GNB2: variants seen among roughly 807,000 people sequenced by gnomAD.
GNB2 encodes guanine nucleotide-binding protein G(I)/G(S)/G(T) subunit beta-2.
A neutral mutation model predicts 40.7 loss-of-function variants in GNB2; 7 were observed. That is an observed-to-expected ratio of 0.17 (90% CI 0.10 to 0.32). GNB2 has a LOEUF of 0.32. Ranked by LOEUF, GNB2 falls within the 10% of genes least tolerant of loss-of-function variation. The probability of loss-of-function intolerance (pLI) is 1.00; values close to 1 mark genes in which losing one functional copy is unlikely to be tolerated. For missense variants in GNB2, 286 were observed against 473.0 expected (o/e 0.60, Z 3.67); for synonymous variants, 254 against 191.2 (o/e 1.33, Z -2.71).
In GNB2 at chr7:100,678,601, G is replaced by A. The variant is rs1804416733; in HGVS notation, c.903G>A (p.Lys301=). The change falls in exon 9 of 10, where the codon AAG becomes AAA. Residue 301 remains lysine (K), a synonymous_variant. Coordinates refer to ENST00000303210, the MANE Select transcript of GNB2 (RefSeq NM_005273.4). Reference sequence around the variant, plus strand: ...ACTGCAACATCTGGGATGCCATGAAGGGCGACCGTGCAGGTGACAGCTGGG... The same window carrying A: ...ACTGCAACATCTGGGATGCCATGAAAGGCGACCGTGCAGGTGACAGCTGGG... ...DFNCNIWDAM[K]GDRAGVLAGH... 6.2e-7 allele frequency: 1 copy of A among 1,613,528 alleles called. No homozygotes were observed. Among genetic ancestry groups the A allele is most frequent in the African/African-American group, 1.3e-5 (1 of 74,946 alleles).
intron 1 of GNB2, among the ~76,000 whole-genome samples, chr7:100,674,424 T>C (rs1285056282): frequency 6.6e-6 from 1 of 152,078 alleles, no homozygotes; most frequent in Non-Finnish European, 1.5e-5. Context: ...CTGCCCGTGG[T>C]TTCTGGCCCC....
At chr7:100,676,507 G>A (rs748952602) in intron 2 of GNB2, 28 bp from the exon 3 acceptor site, 9 of 1,593,924 alleles carry the variant, frequency 5.6e-6, no homozygotes, top group African/African-American at 2.7e-5. Flanking sequence ...CTTCTCTCGC[G>A]TCTCTCTGGC....
chr7:100,675,127 AGCCAGCCGGGCCCCTG>A (rs1056127238), intron 1 of GNB2, among the ~76,000 whole-genome samples: 2 of 150,716 alleles, frequency 1.3e-5, no homozygotes, highest in African/African-American at 4.9e-5. Flanking sequence ...CCCGGAGCGG[AGCCAGCCGGGCCCCTG>A]GGGCCCGGGC....
Position 100,678,387 on chromosome 7 carries a change from G to A in GNB2, c.700-11G>A, listed in dbSNP as rs774398152. On this transcript the variant is annotated splice_polypyrimidine_tract_variant and intron_variant, in intron 8 of 9. Coordinates refer to ENST00000303210, the MANE Select transcript of GNB2 (RefSeq NM_005273.4). ...CTCACCCTCACCCCATCTGGGTCCC[G>A]TGTCCTGCAGTTCTTCCCCAACGGC... is the stretch of plus-strand genomic sequence containing the variant. The A allele has an allele frequency of 9.9e-6, 16 of 1,610,630 alleles. No individual in the cohort carries two copies. The highest frequency in any genetic ancestry group is 1.3e-5 in the African/African-American group (1 of 74,874).
chr7:100,678,101 C>T lies in GNB2; in HGVS notation c.501C>T (p.Ala167=), dbSNP rs1016962982. The T allele has an allele frequency of 2.5e-6, 4 of 1,610,630 alleles. No homozygotes were observed. Among genetic ancestry groups the T allele is most frequent in the African/African-American group, 1.3e-5 (1 of 74,970 alleles). The change falls in exon 8 of 10, where the codon GCC becomes GCT. Residue 167 remains alanine, a synonymous_variant. Coordinates refer to ENST00000303210, the MANE Select transcript of GNB2 (RefSeq NM_005273.4). ...TTTCTTCCTGTCACCTCTCCAGTGC[C>T]CTGTGGGACATTGAGACAGGCCAGC... is the stretch of plus-strand genomic sequence containing the variant. ...IITSSGDTTC[A]LWDIETGQQT...
In GNB2 at chr7:100,676,684, T is replaced by C. The variant is rs766607385; in HGVS notation, c.97-9T>C. On this transcript the variant is annotated splice_polypyrimidine_tract_variant and intron_variant, in intron 3 of 9. Coordinates refer to ENST00000303210, the MANE Select transcript of GNB2 (RefSeq NM_005273.4). ...GGCCTCCCCGAGCGCATTCTGTCTC[T>C]ACCTCCAGATCACAGCTGGGCTGGA... 1.2e-6 allele frequency: 2 copies of C among 1,602,232 alleles called. No individual in the cohort carries two copies. Among genetic ancestry groups the C allele is most frequent in the Non-Finnish European group, 1.7e-6 (2 of 1,169,576 alleles).
Position 100,678,565 on chromosome 7 carries a change from C to T in GNB2, c.867C>T (p.Tyr289=), listed in dbSNP as rs142525639. 5.9e-5 allele frequency: 95 copies of T among 1,613,720 alleles called. 1 individual carries two copies. The highest frequency in any genetic ancestry group is 6.6e-5 in the South Asian group (6 of 91,094). Residue 289 remains tyrosine (Y), a synonymous_variant, in exon 9 of 10, where the codon TAC becomes TAT. Coordinates refer to ENST00000303210, the MANE Select transcript of GNB2 (RefSeq NM_005273.4). ...SRSGRLLLAG[Y]DDFNCNIWDA... The stretch of plus-strand genomic sequence containing the variant: ...GCGGACGGCTGCTGCTCGCTGGCTA[C>T]GACGACTTCAACTGCAACATCTGGG...
At chr7:100,673,983 C>T (rs868144158) in intron 1 of GNB2, 60 bp downstream of exon 1, 1 of 156,908 alleles carries the variant, frequency 6.4e-6, no homozygotes, top group East Asian at 1.9e-4. Context: ...CCCAGGGGAA[C>T]CTCTCTTCCT....
intron 2 of GNB2, 67 bp from the exon 3 acceptor site, chr7:100,676,468 C>A (rs539713671): frequency 4.2e-6 from 6 of 1,417,598 alleles, no homozygotes; most frequent in African/African-American, 2.8e-5. Context: ...GTCTTCTGTT[C>A]TCTTCTCTCC....
At position 100,676,249 on chromosome 7, in the gene GNB2, C is replaced by T; in HGVS notation, c.-17C>T. ...GGCCCCCAGCCGCCCCCAACCCTGC[C>T]CCACGGGCCCGGCGCCATGAGTGAG... On this transcript the variant is annotated 5_prime_UTR_variant, in exon 2 of 10. Coordinates refer to ENST00000303210, the MANE Select transcript of GNB2 (RefSeq NM_005273.4). 6.3e-7 allele frequency: 1 copy of T among 1,585,468 alleles called. No individual in the cohort carries two copies. Among genetic ancestry groups the T allele is most frequent in the South Asian group, 1.1e-5 (1 of 88,164 alleles).
At position 100,679,067 on chromosome 7, in the gene GNB2, CAGGAGGT is replaced by C. The variant is rs1001849793; in HGVS notation, c.*267_*273del. 1 of 438,382 alleles carries C rather than the reference CAGGAGGT, an allele frequency of 2.3e-6. No homozygotes were observed. The highest frequency in any genetic ancestry group is 4.1e-6 in the Non-Finnish European group (1 of 246,650). The allele number at this position is 438,382 out of a possible 1,614,324, so 27.2% of individuals were successfully genotyped here. On this transcript the variant is annotated 3_prime_UTR_variant, in exon 10 of 10. Coordinates refer to ENST00000303210, the MANE Select transcript of GNB2 (RefSeq NM_005273.4). The stretch of plus-strand genomic sequence containing the variant: ...CCTCACCCCTCTGGAGGGCCGGAGG[CAGGAGGT>C]GGAAACCCCAGGGGCTGGCTTTTTT...
At position 100,679,025 on chromosome 7, in the gene GNB2, C is replaced by T. The variant is rs1192900938; in HGVS notation, c.*224C>T. 2 of 547,384 alleles carry T rather than the reference C, an allele frequency of 3.7e-6. No homozygotes were observed. The highest frequency in any genetic ancestry group is 3.3e-6 in the Non-Finnish European group (1 of 306,544). The allele number at this position is 547,384 out of a possible 1,614,324, so 33.9% of individuals were successfully genotyped here. A position where few individuals can be genotyped will look rare whatever the true frequency, so the allele number is the denominator to read the frequency against. ...GGAGCAGGAGGCCCTCATCCTTCTG[C>T]TGCCCTGGGGTTGGGGCCTCACCCC... is the stretch of plus-strand genomic sequence containing the variant. On this transcript the variant is annotated 3_prime_UTR_variant, in exon 10 of 10. Transcript: ENST00000303210.
chr7:100,674,492 C>T (rs1804308429), intron 1 of GNB2, among the ~76,000 whole-genome samples: 1 of 151,852 alleles, frequency 6.6e-6, no homozygotes, highest in Non-Finnish European at 1.5e-5. Flanking sequence ...TCACCCCAAG[C>T]CCAGCTCCCA....
At position 100,676,526 on chromosome 7, in the gene GNB2, C is replaced by G. The variant is rs767576938; in HGVS notation, c.58-9C>G. 1.1e-5 allele frequency: 18 copies of G among 1,607,566 alleles called. No homozygotes were observed. In the South Asian group the frequency reaches 1.3e-4, roughly 12 times the overall value. Reference sequence around the variant, plus strand: ...TCTCGCGTCTCTCTGGCTCTGCCATCCCTTACAGGATGCCCGAAAAGCATG... The same window carrying G: ...TCTCGCGTCTCTCTGGCTCTGCCATGCCTTACAGGATGCCCGAAAAGCATG... On this transcript the variant is annotated splice_polypyrimidine_tract_variant and intron_variant, in intron 2 of 9. Transcript: ENST00000303210.
intron 1 of GNB2, chr7:100,675,574 C>G (rs1176349869): frequency 6.6e-6 from 1 of 152,118 alleles, no homozygotes; most frequent in Non-Finnish European, 1.5e-5. Context: ...GGGTCACCCA[C>G]CCTACAGGTC....
At chr7:100,677,992 C>T in intron 7 of GNB2, 106 bp from the exon 8 acceptor site, 1 of 1,097,840 alleles carries the variant, frequency 9.1e-7, no homozygotes, top group Non-Finnish European at 1.4e-6. Flanking sequence ...GAAGAGCCTC[C>T]CTGGACCCTT....
chr7:100,674,169 G>T (rs1804301282), intron 1 of GNB2, among the ~76,000 whole-genome samples: 1 of 151,516 alleles, frequency 6.6e-6, no homozygotes, highest in Non-Finnish European at 1.5e-5. Context: ...CCAGACCCCA[G>T]CCCAGCCCCG....
intron 1 of GNB2, among the ~76,000 whole-genome samples, chr7:100,675,130 C>T (rs1804321336): frequency 2.0e-5 from 3 of 151,090 alleles, no homozygotes; most frequent in South Asian, 4.1e-4. Context: ...GGAGCGGAGC[C>T]AGCCGGGCCC....
Position 100,678,825 on chromosome 7 carries a change from G to C in GNB2, c.*24G>C, listed in dbSNP as rs1314901870. 2 of 1,521,568 alleles carry C rather than the reference G, an allele frequency of 1.3e-6. No individual in the cohort carries two copies. The highest frequency in any genetic ancestry group is 1.8e-6 in the Non-Finnish European group (2 of 1,096,676). The allele number at this position is 1,521,568 out of a possible 1,614,324, so 94.3% of individuals were successfully genotyped here. ...AATGGCCCCACCCCCACTGGGCCCA[G>C]GCCAGGAGGGGCCCTGCCCATGCCC... On this transcript the variant is annotated 3_prime_UTR_variant, in exon 10 of 10. Coordinates refer to ENST00000303210, the MANE Select transcript of GNB2 (RefSeq NM_005273.4).
Sources: gnomAD v4.1 joint callset for allele counts (sites outside exome capture counted in the v4.1 genomes callset) on GRCh38, gnomAD v4.1.1 for gene constraint, MANE v1.5 for transcripts, NCBI Gene and HGNC (gene_info 2026-07-23, HGNC 2026-07-21) for gene names.